Variants in UBR1 observed in about 807,000 individuals in gnomAD.
The protein encoded by UBR1 is E3 ubiquitin-protein ligase UBR1.
A neutral mutation model predicts 242.1 loss-of-function variants in UBR1; 102 were observed. That is an observed-to-expected ratio of 0.42 (90% confidence interval 0.36 to 0.50). UBR1 has a LOEUF of 0.50. Ranked by LOEUF, UBR1 falls within the 20% of genes least tolerant of loss-of-function variation. The probability of loss-of-function intolerance (pLI) is 0.01; values close to 1 mark genes in which losing one functional copy is unlikely to be tolerated. For missense variants in UBR1, 1,772 were observed against 2,101.8 expected (o/e 0.84, Z 3.07); for synonymous variants, 675 against 684.8 (o/e 0.99, Z 0.22).
chr15:43,058,224 GACAAAGAA>G, intron 10 of UBR1, 109 bp downstream of exon 10: 1 of 848,778 alleles, frequency 1.2e-6, no homozygotes. Flanking sequence ...ACAAACTTTT[GACAAAGAA>G]ATAAATCATA....
chr15:42,957,702 T>C (rs1567107714), intron 44 of UBR1, among the ~76,000 whole-genome samples: 1 of 151,698 alleles, frequency 6.6e-6, no homozygotes, highest in Non-Finnish European at 1.5e-5. Flanking sequence ...TAACGAAACC[T>C]TGTCTCTATG....
chr15:42,949,268 G>A (rs900759056), intron 46 of UBR1, among the ~76,000 whole-genome samples: 2 of 129,060 alleles, frequency 1.5e-5, no homozygotes, highest in Non-Finnish European at 3.2e-5. Flanking sequence ...ATCACACTCT[G>A]GGGACTGTTG....
chr15:43,033,963 G>C (rs1381395847), intron 19 of UBR1, among the ~76,000 whole-genome samples: 2 of 152,084 alleles, frequency 1.3e-5, no homozygotes, highest in African/African-American at 4.8e-5. Flanking sequence ...AAATTGGCCA[G>C]GTGTAGTGGC....
chr15:42,975,242 A>T (rs1398203121), intron 39 of UBR1, among the ~76,000 whole-genome samples: 1 of 152,238 alleles, frequency 6.6e-6, no homozygotes. Context: ...ATATAAACAC[A>T]TATATGCATA....
At chr15:43,016,938 C>T (rs2033033532) in intron 28 of UBR1, among the ~76,000 whole-genome samples, 157 bp downstream of exon 28, 1 of 152,180 alleles carries the variant, frequency 6.6e-6, no homozygotes. Context: ...TTAATCTCCA[C>T]AATATAGAAG....
intron 33 of UBR1, among the ~76,000 whole-genome samples, chr15:42,994,810 C>A (rs1362772050): frequency 6.6e-6 from 1 of 152,166 alleles, no homozygotes; most frequent in Non-Finnish European, 1.5e-5. Flanking sequence ...CTCACCATGT[C>A]ATGGTAGGAC....
At chr15:43,047,776 G>A (rs955473629) in intron 13 of UBR1, among the ~76,000 whole-genome samples, 6 of 152,198 alleles carry the variant, frequency 3.9e-5, no homozygotes, top group East Asian at 1.9e-4. Context: ...TGCTGCACAT[G>A]CAAGTAACCC....
At chr15:43,004,748 G>A (rs1567121986) in intron 30 of UBR1, among the ~76,000 whole-genome samples, 2 of 152,162 alleles carry the variant, frequency 1.3e-5, no homozygotes, top group Non-Finnish European at 2.9e-5. Context: ...CCTCCCAGCC[G>A]CCTGCCTTGG....
chr15:43,095,475 C>A (rs1031827558), intron 1 of UBR1, among the ~76,000 whole-genome samples: 5 of 150,236 alleles, frequency 3.3e-5, no homozygotes, highest in African/African-American at 1.2e-4. Context: ...GGAGTCTTAT[C>A]AGTAACGTTT....
chr15:43,042,138 C>T (rs924762159), intron 15 of UBR1, among the ~76,000 whole-genome samples: 5 of 152,010 alleles, frequency 3.3e-5, no homozygotes, highest in African/African-American at 1.2e-4. Flanking sequence ...CCTCAAAAAA[C>T]CAAACATAGA....
At chr15:43,076,759 TC>T (rs1370365626) in intron 3 of UBR1, among the ~76,000 whole-genome samples, 1 of 137,716 alleles carries the variant, frequency 7.3e-6, no homozygotes, top group African/African-American at 2.7e-5. Flanking sequence ...AGCCACCGCG[TC>T]CGGGAGGGAG....
chr15:42,969,937 C>A (rs1417249317), intron 40 of UBR1, among the ~76,000 whole-genome samples: 1 of 152,170 alleles, frequency 6.6e-6, no homozygotes, highest in African/African-American at 2.4e-5. Context: ...TTTATAGATT[C>A]AATGCTATCC....
At chr15:42,947,322 G>C (rs1040064214) in intron 46 of UBR1, among the ~76,000 whole-genome samples, 24 of 152,118 alleles carry the variant, frequency 1.6e-4, no homozygotes, top group African/African-American at 5.8e-4. Context: ...TAAAAATTTT[G>C]GGGAAACACT....
At chr15:43,025,297 A>G in intron 24 of UBR1, 84 bp downstream of exon 24, 1 of 1,396,486 alleles carries the variant, frequency 7.2e-7, no homozygotes, top group Admixed American at 1.9e-5. Flanking sequence ...TCAAAAACCA[A>G]CAACAACAAA....
chr15:43,008,469 T>C (rs567613698), intron 29 of UBR1, among the ~76,000 whole-genome samples: 1 of 152,340 alleles, frequency 6.6e-6, no homozygotes, highest in Admixed American at 6.5e-5. Context: ...CTGATAAGCA[T>C]GGAAGGAAGG....
intron 46 of UBR1, among the ~76,000 whole-genome samples, chr15:42,948,936 A>C (rs1006903091): frequency 2.0e-5 from 3 of 152,120 alleles, no homozygotes; most frequent in African/African-American, 7.2e-5. Context: ...TGGGTATATA[A>C]CCAAAGGACT....
chr15:43,000,834 A>G (rs1412069023), intron 32 of UBR1, among the ~76,000 whole-genome samples: 1 of 152,080 alleles, frequency 6.6e-6, no homozygotes, highest in East Asian at 1.9e-4. Context: ...ACAACTCTTT[A>G]TTTATTTATT....
intron 37 of UBR1, among the ~76,000 whole-genome samples, chr15:42,979,218 T>C (rs1196967806): frequency 6.6e-6 from 1 of 150,600 alleles, no homozygotes; most frequent in South Asian, 2.1e-4. Context: ...TCTTTTTTTT[T>C]TTTTTAGTAG....
chr15:43,044,397 T>C (rs770089156), intron 14 of UBR1, among the ~76,000 whole-genome samples: 3 of 152,058 alleles, frequency 2.0e-5, no homozygotes, highest in Non-Finnish European at 2.9e-5. Flanking sequence ...AATGAACCCA[T>C]AGAAAATAAT....
Sources: allele counts gnomAD v4.1 joint callset (sites outside exome capture counted in the v4.1 genomes callset), GRCh38; gene constraint gnomAD v4.1.1; transcripts MANE v1.5; gene names NCBI Gene and HGNC (gene_info 2026-07-23, HGNC 2026-07-21).